LRBA: variants seen among roughly 807,000 people sequenced by gnomAD.
The protein encoded by LRBA is LPS responsive beige-like anchor protein.
LRBA carries 176 observed loss-of-function variants against 330.0 expected under a neutral mutation model. The ratio of observed to expected loss-of-function variants is 0.53; its 90% CI spans 0.47 to 0.60. The LOEUF is 0.60. Ranked by LOEUF, LRBA falls within the 20% of genes least tolerant of loss-of-function variation. The pLI is 0.00. For synonymous variants in LRBA, 1,230 were observed against 1,193.0 expected (o/e 1.03, Z -0.64); for missense variants, 3,259 against 3,444.8 (o/e 0.95, Z 1.35).
chr4:150,739,293 G>A (rs539035006), intron 35 of LRBA, among the ~76,000 whole-genome samples: 4 of 151,890 alleles, frequency 2.6e-5, no homozygotes, highest in Non-Finnish European at 4.4e-5. Flanking sequence ...CTGACATATC[G>A]AGAACATTAT....
At chr4:150,955,607 G>A (rs577278555) in intron 2 of LRBA, among the ~76,000 whole-genome samples, 4 of 147,360 alleles carry the variant, frequency 2.7e-5, no homozygotes, top group East Asian at 2.0e-4. Flanking sequence ...TAATAATGAC[G>A]TAGGCCGGGC....
At chr4:150,842,099 T>G (rs1459128887) in intron 28 of LRBA, among the ~76,000 whole-genome samples, 2 of 152,248 alleles carry the variant, frequency 1.3e-5, no homozygotes, top group Non-Finnish European at 2.9e-5. Context: ...TAAAATTATT[T>G]ATGACTTTCA....
chr4:150,764,569 A>C (rs1348972299), intron 34 of LRBA, among the ~76,000 whole-genome samples: 3 of 152,050 alleles, frequency 2.0e-5, no homozygotes, highest in Admixed American at 2.0e-4. Context: ...AAAATATACA[A>C]ATAACTCTTA....
rs538455230 is a variant in LRBA at position 150,790,062 on chromosome 4, T to C, written c.5580+8019A>G. ...GATGTCTCCACACTCACAGGCTGAC[T>C]TCCTGTCAGGAAGAGTTCCATTTCA... On this transcript the variant is annotated intron_variant, in intron 34 of 56. Coordinates refer to ENST00000651943, the MANE Select transcript of LRBA (RefSeq NM_001364905.1). Among the ~76,000 whole-genome samples, 5 of 152,344 alleles carry C rather than the reference T, an allele frequency of 3.3e-5. No homozygotes were observed. In the East Asian group the frequency reaches 9.6e-4, roughly 29 times the overall value.
intron 13 of LRBA, among the ~76,000 whole-genome samples, chr4:150,900,428 T>A (rs757139580): frequency 2.0e-4 from 31 of 152,202 alleles, no homozygotes; most frequent in Non-Finnish European, 3.8e-4. Flanking sequence ...TAATTTCTTC[T>A]TTTATAGCAG....
chr4:150,669,407 A>T (rs1387157100), intron 37 of LRBA, among the ~76,000 whole-genome samples: 2 of 152,112 alleles, frequency 1.3e-5, no homozygotes, highest in Admixed American at 6.5e-5. Flanking sequence ...CTTGACCAAT[A>T]ACTAATACAG....
intron 2 of LRBA, among the ~76,000 whole-genome samples, chr4:151,008,083 T>A (rs369462233): frequency 6.6e-6 from 1 of 151,790 alleles, no homozygotes; most frequent in Non-Finnish European, 1.5e-5. Context: ...TTTTTTCTTT[T>A]TTTTTTTTCT....
At position 150,808,401 on chromosome 4, in the gene LRBA, A is replaced by G. The variant is rs1743112710; in HGVS notation, c.5306-3T>C. 2 of 1,571,680 alleles carry G rather than the reference A, an allele frequency of 1.3e-6. No homozygotes were observed. Among genetic ancestry groups the G allele is most frequent in the Non-Finnish European group, 1.7e-6 (2 of 1,145,206 alleles). On this transcript the variant is annotated splice_polypyrimidine_tract_variant and splice_region_variant and intron_variant, in intron 31 of 56. Coordinates refer to ENST00000651943, the MANE Select transcript of LRBA (RefSeq NM_001364905.1). ...TTTTGCATTAGATGATCTACTGCCT[A>G]TAAAAGAAAAATAACCATCTATAGG...
intron 2 of LRBA, among the ~76,000 whole-genome samples, chr4:150,980,382 A>G (rs1407126633): frequency 1.3e-5 from 2 of 152,212 alleles, no homozygotes; most frequent in Admixed American, 6.5e-5. Context: ...CTGATGGGGG[A>G]AAAACTGAAA....
chr4:150,375,047 A>C (rs1250474278), intron 47 of LRBA, among the ~76,000 whole-genome samples: 7 of 149,432 alleles, frequency 4.7e-5, no homozygotes. Flanking sequence ...GCTTGTAACA[A>C]CAAGAGGGCA....
intron 2 of LRBA, among the ~76,000 whole-genome samples, chr4:150,973,097 G>C (rs1380205261): frequency 1.3e-5 from 2 of 152,162 alleles, no homozygotes. Context: ...ACCAGCCTGG[G>C]CAACAGAATG....
At chr4:150,266,631 A>G (rs1023133480) in intron 56 of LRBA, among the ~76,000 whole-genome samples, 5 of 152,242 alleles carry the variant, frequency 3.3e-5, no homozygotes, top group African/African-American at 1.2e-4. Flanking sequence ...AAAATCAACT[A>G]AAAACAAAGG....
At chr4:150,423,815 T>C (rs1369467481) in intron 46 of LRBA, among the ~76,000 whole-genome samples, 1 of 152,086 alleles carries the variant, frequency 6.6e-6, no homozygotes, top group African/African-American at 2.4e-5. Context: ...TGTTTTAGGG[T>C]CTGGGATACA....
chr4:150,906,384 G>T lies in LRBA; in HGVS notation c.1515C>A (p.Ile505=). 6.2e-7 allele frequency: 1 copy of T among 1,607,420 alleles called. No homozygotes were observed. The highest frequency in any genetic ancestry group is 8.5e-7 in the Non-Finnish European group (1 of 1,174,808). The change falls in exon 12 of 57, where the codon ATC becomes ATA. Residue 505 remains isoleucine (I), a synonymous_variant. Coordinates refer to ENST00000651943, the MANE Select transcript of LRBA (RefSeq NM_001364905.1). ...CAATTGAGTTCTTCAACAATTCCAT[G>T]ATAAAGGCCAGCAAGGTTGAACTAG... ...LTICSTLLAF[I]MELLKNSIAM...
chr4:150,588,220 A>G (rs1283646779), intron 39 of LRBA, 36 bp from the exon 40 acceptor site: 1 of 1,550,516 alleles, frequency 6.4e-7, no homozygotes, highest in African/African-American at 1.4e-5. Flanking sequence ...ACAAGTTGGA[A>G]TGACATTTTT....
chr4:150,877,307 T>C (rs114658213), intron 17 of LRBA, among the ~76,000 whole-genome samples: 167 of 146,956 alleles, frequency 1.1e-3, no homozygotes, highest in African/African-American at 3.7e-3. Flanking sequence ...ACACCACTCA[T>C]AGGCTCATAG....
At chr4:150,426,596 T>C (rs938433277) in intron 46 of LRBA, among the ~76,000 whole-genome samples, 2 of 151,934 alleles carry the variant, frequency 1.3e-5, no homozygotes, top group African/African-American at 2.4e-5. Context: ...GATATTATTA[T>C]CATTAGTAGG....
At chr4:150,877,101 A>C (rs184440193) in intron 17 of LRBA, among the ~76,000 whole-genome samples, 3,372 of 151,796 alleles carry the variant, frequency 0.022, 157 homozygotes, top group Admixed American at 0.059. Flanking sequence ...AAAACACACA[A>C]AAAAAAATTA....
chr4:150,481,370 G>A (rs993827086), intron 42 of LRBA, among the ~76,000 whole-genome samples: 3 of 151,994 alleles, frequency 2.0e-5, no homozygotes, highest in Non-Finnish European at 2.9e-5. Context: ...TGGGAACTCT[G>A]GATCACATGG....
Sources: gnomAD v4.1 joint callset for allele counts (sites outside exome capture counted in the v4.1 genomes callset) on GRCh38, gnomAD v4.1.1 for gene constraint, MANE v1.5 for transcripts, NCBI Gene and HGNC (gene_info 2026-07-23, HGNC 2026-07-21) for gene names.